CHD3: variants seen among roughly 807,000 people sequenced by gnomAD.
CHD3 encodes ATP-dependent chromatin remodeler CHD3.
A neutral mutation model predicts 248.9 loss-of-function variants in CHD3; 52 were observed. That is an observed-to-expected ratio of 0.21 (90% CI 0.17 to 0.26). The LOEUF (loss-of-function observed/expected upper bound fraction) is 0.26, where lower values mean the gene tolerates loss of function less well. Among genes scored for constraint, CHD3 ranks in the 10% least tolerant of loss-of-function variants. The probability of loss-of-function intolerance (pLI) is 1.00; values close to 1 mark genes in which losing one functional copy is unlikely to be tolerated. For synonymous variants in CHD3, 985 were observed against 985.2 expected (o/e 1.00, Z 0.00); for missense variants, 1,482 against 2,605.8 (o/e 0.57, Z 9.39).
Position 7,904,675 on chromosome 17 carries a change from C to G in CHD3, c.4072+56C>G. On this transcript the variant is annotated intron_variant, in intron 25 of 39. Coordinates refer to ENST00000330494, the MANE Select transcript of CHD3 (RefSeq NM_001005273.3). The surrounding 1 kb of genome is among the most constrained non-coding windows in gnomAD (Gnocchi z 4.4). Reference sequence around the variant, plus strand: ...GGGGGGAAGTGATGATGAGTAGGGACTTGAAGGCTGGAGCTATTTAGAGGG... The same window carrying G: ...GGGGGGAAGTGATGATGAGTAGGGAGTTGAAGGCTGGAGCTATTTAGAGGG... 1 of 1,494,464 alleles carries G rather than the reference C, an allele frequency of 6.7e-7. No homozygotes were observed. The highest frequency in any genetic ancestry group is 1.2e-5 in the South Asian group (1 of 83,646). 92.6% of individuals were successfully genotyped at this position (1,494,464 alleles called of 1,614,324 possible).
rs756751514 is a variant in CHD3, at chr17:7,904,008, G to C, written c.3894+17G>C. On this transcript the variant is annotated intron_variant, in intron 24 of 39. Transcript: ENST00000330494. This position sits in a 1 kb window ranked among gnomAD's most constrained non-coding sequence, Gnocchi z 4.4. Reference sequence around the variant, plus strand: ...GAAGACAAGGTGAGAGGCTTTGGGGGCCAGACATTATCTATCCCAGGCCAT... The same window carrying C: ...GAAGACAAGGTGAGAGGCTTTGGGGCCCAGACATTATCTATCCCAGGCCAT... The C allele has an allele frequency of 3.7e-6, 6 of 1,611,676 alleles. No homozygotes were observed. The highest frequency in any genetic ancestry group is 1.1e-5 in the South Asian group (1 of 90,914).
rs1160930560 is a variant in CHD3, at chr17:7,906,046, C to T, written c.4358+57C>T. On this transcript the variant is annotated intron_variant, in intron 28 of 39. Transcript: ENST00000330494. This position sits in a 1 kb window ranked among gnomAD's most constrained non-coding sequence, Gnocchi z 5.0. ...CGCAAGGGGAAGAGCTTTGGGTGTT[C>T]CTTTCTTCCTTGGGGCCGCCATATG... 4 of 1,607,156 alleles carry T rather than the reference C, an allele frequency of 2.5e-6. No individual in the cohort carries two copies. The highest frequency in any genetic ancestry group is 1.7e-5 in the Admixed American group (1 of 59,836).
rs190140455 is a variant in CHD3 at position 7,894,840 on chromosome 17, C to A, written c.1270-77C>A. On this transcript the variant is annotated intron_variant, in intron 8 of 39. Coordinates refer to ENST00000330494, the MANE Select transcript of CHD3 (RefSeq NM_001005273.3). ...CTCTGCACTTCTAGGATTCAGGTGT[C>A]CTGTCTTTGCCTGTATCTTCCAGTT... 1.5e-5 allele frequency: 24 copies of A among 1,573,900 alleles called. No homozygotes were observed. In the East Asian group the frequency reaches 2.5e-4, roughly 16 times the overall value.
rs991222492 is a variant in CHD3 at position 7,888,929 on chromosome 17, G to T, written c.-72G>T. 1.9e-6 allele frequency: 3 copies of T among 1,608,038 alleles called. No individual in the cohort carries two copies. Among genetic ancestry groups the T allele is most frequent in the Non-Finnish European group, 2.5e-6 (3 of 1,176,568 alleles). ...CAAAGGGAGCAGGGAGATGGGAATA[G>T]AATTGAAGGTAGGTTTTAGGCTACT... On this transcript the variant is annotated 5_prime_UTR_variant, in exon 1 of 40. The change creates a premature stop within an existing upstream ORF in the 5' untranslated region. Transcript: ENST00000330494.
In CHD3 at chr17:7,909,035, C is replaced by T; in HGVS notation, c.5395-108C>T. 2 of 1,477,492 alleles carry T rather than the reference C, an allele frequency of 1.4e-6. No homozygotes were observed. Among genetic ancestry groups the T allele is most frequent in the South Asian group, 2.5e-5 (2 of 78,634 alleles). The allele number at this position is 1,477,492 out of a possible 1,614,324, so 91.5% of individuals were successfully genotyped here. ...CAGTCGGTTTGGAGCTGGGAGTGCCCTGGGCCAGCAGTGAGGGCAGGGTGG... is the reference window on the plus strand; with the variant it reads ...CAGTCGGTTTGGAGCTGGGAGTGCCTTGGGCCAGCAGTGAGGGCAGGGTGG... On this transcript the variant is annotated intron_variant, in intron 36 of 39. Coordinates refer to ENST00000330494, the MANE Select transcript of CHD3 (RefSeq NM_001005273.3). This position sits in a 1 kb window ranked among gnomAD's most constrained non-coding sequence, Gnocchi z 8.1.
rs1305289691 is a variant in CHD3 at position 7,889,740 on chromosome 17, G to A, written c.177G>A (p.Glu59=). 6 of 1,613,114 alleles carry A rather than the reference G, an allele frequency of 3.7e-6. No homozygotes were observed. Among genetic ancestry groups the A allele is most frequent in the Non-Finnish European group, 5.1e-6 (6 of 1,179,448 alleles). The change falls in exon 2 of 40, where the codon GAG becomes GAA. Residue 59 remains glutamate, a synonymous_variant. Coordinates refer to ENST00000330494, the MANE Select transcript of CHD3 (RefSeq NM_001005273.3). This position sits in a 1 kb window ranked among gnomAD's most constrained non-coding sequence, Gnocchi z 4.5. The stretch of plus-strand genomic sequence containing the variant: ...AACGAGGACCCAAGAAGCAGAAGGA[G>A]AACAAGCCAGGAAAACCCCGAAAAC... ...KRKRGPKKQK[E]NKPGKPRKRK... is the part of the protein sequence containing the mutation.
Position 7,909,063 on chromosome 17 carries a change from C to T in CHD3, c.5395-80C>T. Reference sequence around the variant, plus strand: ...GGCCAGCAGTGAGGGCAGGGTGGGTCTCTTGCTATGTCCGCCCCCCCAGCC... The same window carrying T: ...GGCCAGCAGTGAGGGCAGGGTGGGTTTCTTGCTATGTCCGCCCCCCCAGCC... On this transcript the variant is annotated intron_variant, in intron 36 of 39. Transcript: ENST00000330494. This position sits in a 1 kb window ranked among gnomAD's most constrained non-coding sequence, Gnocchi z 8.1. The T allele has an allele frequency of 1.3e-6, 2 of 1,530,136 alleles. No individual in the cohort carries two copies. Among genetic ancestry groups the T allele is most frequent in the Non-Finnish European group, 1.8e-6 (2 of 1,132,370 alleles). The allele number at this position is 1,530,136 out of a possible 1,614,324, so 94.8% of individuals were successfully genotyped here.
Position 7,908,904 on chromosome 17 carries a change from T to TAGGGAAGGTTAACACCTTC in CHD3, c.5394+80_5394+98dup. The TAGGGAAGGTTAACACCTTC allele has an allele frequency of 6.3e-7, 1 of 1,590,406 alleles. No individual in the cohort carries two copies. The highest frequency in any genetic ancestry group is 1.1e-5 in the South Asian group (1 of 88,998). On this transcript the variant is annotated intron_variant, in intron 36 of 39. Transcript: ENST00000330494. The surrounding 1 kb of genome is among the most constrained non-coding windows in gnomAD (Gnocchi z 5.8). ...AGTGAGACCAGATCTAGTTGGAACCTAGGGAAGGTTAACACCTTCAGGGCT... is the reference window on the plus strand; with the variant it reads ...AGTGAGACCAGATCTAGTTGGAACCTAGGGAAGGTTAACACCTTCAGGGAAGGTTAACACCTTCAGGGCT...
upstream of CHD3, chr17:7,885,165 C>G: frequency 1.0e-6 from 1 of 981,078 alleles, no homozygotes; most frequent in Non-Finnish European, 1.2e-6. Flanking sequence ...AGGCACCCAC[C>G]GCGCGGCCGA....
Position 7,894,398 on chromosome 17 carries a change from A to G in CHD3, c.1076-17A>G. On this transcript the variant is annotated splice_polypyrimidine_tract_variant and intron_variant, in intron 7 of 39. Coordinates refer to ENST00000330494, the MANE Select transcript of CHD3 (RefSeq NM_001005273.3). ...CCCTGCCCTGCTTCCTTATCCCTCCACCGGGGTATATGACAGTCCTGGGCT... is the reference window on the plus strand; with the variant it reads ...CCCTGCCCTGCTTCCTTATCCCTCCGCCGGGGTATATGACAGTCCTGGGCT... 2 of 1,600,888 alleles carry G rather than the reference A, an allele frequency of 1.2e-6. No homozygotes were observed. The highest frequency in any genetic ancestry group is 1.7e-6 in the Non-Finnish European group (2 of 1,170,450).
rs766106062 is a variant in CHD3, at chr17:7,894,251, G to GGAA, written c.1072_1074dup (p.Lys358dup). ...AAACTAAAGAGAGGCCGGCCAGGAAGGAAGAAGAAGAAGGGTAAGGAGTGT... is the reference window on the plus strand; with the variant it reads ...AAACTAAAGAGAGGCCGGCCAGGAAGGAAGAAGAAGAAGAAGGGTAAGGAGTGT... On this transcript the variant is annotated inframe_insertion, in exon 7 of 40. Coordinates refer to ENST00000330494, the MANE Select transcript of CHD3 (RefSeq NM_001005273.3). 1.2e-6 allele frequency: 2 copies of GGAA among 1,614,016 alleles called. No individual in the cohort carries two copies. The highest frequency in any genetic ancestry group is 1.7e-6 in the Non-Finnish European group (2 of 1,179,956).
chr17:7,901,195 G>A lies in CHD3; in HGVS notation c.3121-49G>A, dbSNP rs1183075860. On this transcript the variant is annotated intron_variant, in intron 19 of 39. Transcript: ENST00000330494. ...CTTCTAGGTGTGGCAAGAATATGGGGGCATGTTTCCAACTGACCCCCTCCT... is the reference window on the plus strand; with the variant it reads ...CTTCTAGGTGTGGCAAGAATATGGGAGCATGTTTCCAACTGACCCCCTCCT... The A allele has an allele frequency of 1.9e-6, 3 of 1,555,202 alleles. No homozygotes were observed. In the Admixed American group the frequency reaches 5.8e-5, roughly 30 times the overall value.
At position 7,889,836 on chromosome 17, in the gene CHD3, T is replaced by G; in HGVS notation, c.213+60T>G. 1 of 1,473,604 alleles carries G rather than the reference T, an allele frequency of 6.8e-7. No individual in the cohort carries two copies. Among genetic ancestry groups the G allele is most frequent in the Non-Finnish European group, 9.3e-7 (1 of 1,072,060 alleles). 91.3% of individuals were successfully genotyped at this position (1,473,604 alleles called of 1,614,324 possible). On this transcript the variant is annotated intron_variant, in intron 2 of 39. Transcript: ENST00000330494. This position sits in a 1 kb window ranked among gnomAD's most constrained non-coding sequence, Gnocchi z 4.5. ...CTCAAGAGACCCATTCTCAGAGACC[T>G]ACATTTTCTCTGGTCCTGATTACTG...
upstream of CHD3, chr17:7,888,721 GGTGTGGGTGCGCGCGTGC>G: frequency 1.1e-6 from 1 of 871,804 alleles, no homozygotes; most frequent in Middle Eastern, 4.2e-4. Context: ...AGTGTGTGTG[GGTGTGGGTGCGCGCGTGC>G]GCGCGCGTGC....
rs771700787 is a variant in CHD3, at chr17:7,900,703, G to A, written c.2950G>A (p.Val984Ile). Reference sequence around the variant, plus strand: ...CATGCCAGCCAAGACAGAGCTCATCGTTCGGGTGGAGCTAAGCCCCATGCA... The same window carrying A: ...CATGCCAGCCAAGACAGAGCTCATCATTCGGGTGGAGCTAAGCCCCATGCA... ...KNMPAKTELI[V>I]RVELSPMQKK... Residue 984 changes from valine (V) to isoleucine (I), a missense_variant, in exon 18 of 40, where the codon GTT becomes ATT. Coordinates refer to ENST00000330494, the MANE Select transcript of CHD3 (RefSeq NM_001005273.3). The surrounding 1 kb of genome is among the most constrained non-coding windows in gnomAD (Gnocchi z 6.5). 2 of 1,613,804 alleles carry A rather than the reference G, an allele frequency of 1.2e-6. No individual in the cohort carries two copies. Among genetic ancestry groups the A allele is most frequent in the African/African-American group, 2.7e-5 (2 of 74,892 alleles).
In CHD3 at chr17:7,910,828, T is replaced by G; in HGVS notation, c.5755-19T>G. The G allele has an allele frequency of 1.3e-6, 2 of 1,584,656 alleles. No individual in the cohort carries two copies. Among genetic ancestry groups the G allele is most frequent in the Non-Finnish European group, 1.7e-6 (2 of 1,169,608 alleles). ...CAGACTATGAACTAACTCCAACTTCTGCTTCCTCTCTGTTCCAGGCCTACC... is the reference window on the plus strand; with the variant it reads ...CAGACTATGAACTAACTCCAACTTCGGCTTCCTCTCTGTTCCAGGCCTACC... On this transcript the variant is annotated intron_variant, in intron 38 of 39. Coordinates refer to ENST00000330494, the MANE Select transcript of CHD3 (RefSeq NM_001005273.3). This position sits in a 1 kb window ranked among gnomAD's most constrained non-coding sequence, Gnocchi z 4.7.
At position 7,900,983 on chromosome 17, in the gene CHD3, T is replaced by C. The variant is rs1430045677; in HGVS notation, c.3110T>C (p.Val1037Ala). 1 of 1,613,828 alleles carries C rather than the reference T, an allele frequency of 6.2e-7. No individual in the cohort carries two copies. Among genetic ancestry groups the C allele is most frequent in the African/African-American group, 1.3e-5 (1 of 74,862 alleles). ...KCCNHPYLFPVAAMESPKLPS... is the reference protein window; with the variant it reads ...KCCNHPYLFPAAAMESPKLPS... ...TGCAACCATCCATACCTTTTTCCCGTGGCTGCTATGGTAGATACACAGAGC... is the reference window on the plus strand; with the variant it reads ...TGCAACCATCCATACCTTTTTCCCGCGGCTGCTATGGTAGATACACAGAGC... The change falls in exon 19 of 40, where the codon GTG becomes GCG. Residue 1037 changes from valine (V) to alanine (A), a missense_variant. Val to Ala is a moderately conservative substitution (Grantham distance 64, BLOSUM62 0). Coordinates refer to ENST00000330494, the MANE Select transcript of CHD3 (RefSeq NM_001005273.3). The surrounding 1 kb of genome is among the most constrained non-coding windows in gnomAD (Gnocchi z 6.5).
At chr17:7,892,796 A>G (rs979299545) in intron 4 of CHD3, among the ~76,000 whole-genome samples, 1 of 151,518 alleles carries the variant, frequency 6.6e-6, no homozygotes, top group South Asian at 2.1e-4. Flanking sequence ...CGCCCAGCCT[A>G]TTTCCCTTTT....
At position 7,889,894 on chromosome 17, in the gene CHD3, T is replaced by G; in HGVS notation, c.213+118T>G. On this transcript the variant is annotated intron_variant, in intron 2 of 39. Coordinates refer to ENST00000330494, the MANE Select transcript of CHD3 (RefSeq NM_001005273.3). This position sits in a 1 kb window ranked among gnomAD's most constrained non-coding sequence, Gnocchi z 4.5. ...GGTGGGGTTCTGAAGCCAGGGAGGC[T>G]TGATCCCCCGGGCCCCCCACTTCCC... is the stretch of plus-strand genomic sequence containing the variant. 1 of 1,024,978 alleles carries G rather than the reference T, an allele frequency of 9.8e-7. No individual in the cohort carries two copies. The highest frequency in any genetic ancestry group is 1.4e-6 in the Non-Finnish European group (1 of 695,738). 63.5% of individuals were successfully genotyped at this position (1,024,978 alleles called of 1,614,324 possible).
Sources: gnomAD v4.1 joint callset for allele counts (sites outside exome capture counted in the v4.1 genomes callset) on GRCh38, gnomAD v4.1.1 for gene constraint, Gnocchi (gnomAD v3.1) non-coding constraint, MANE v1.5 for transcripts, NCBI Gene and HGNC (gene_info 2026-07-23, HGNC 2026-07-21) for gene names.